Variants in PKIB observed in about 807,000 individuals in gnomAD.
PKIB encodes PKI-beta.
PKIB carries 2 observed loss-of-function variants against 4.5 expected under a neutral mutation model. That is an observed-to-expected ratio of 0.44 (90% CI 0.18 to 1.39). The LOEUF (loss-of-function observed/expected upper bound fraction) is 1.39. Ranked by LOEUF, PKIB falls within the 40% of genes most tolerant of loss-of-function variation. PKIB has a pLI of 0.27. For synonymous variants in PKIB, 38 were observed against 36.0 expected, an observed-to-expected ratio of 1.06 and a Z score of -0.20; for missense variants, 94 against 92.6, an observed-to-expected ratio of 1.02 and a Z score of -0.06.
At chr6:122,614,964 T>C (rs1044526294) in intron 1 of PKIB, among the ~76,000 whole-genome samples, 2 of 152,160 alleles carry the variant, frequency 1.3e-5, no homozygotes, top group Non-Finnish European at 2.9e-5. Context: ...AAGCCCTACT[T>C]TTCTCACTTT....
At chr6:122,590,658 A>G (rs1562262199) in intron 3 of PKIB, among the ~76,000 whole-genome samples, 1 of 152,162 alleles carries the variant, frequency 6.6e-6, no homozygotes, top group African/African-American at 2.4e-5. Context: ...GTGAATATAG[A>G]CACCAAAGAT....
At chr6:122,527,154 G>T (rs1777114699) in intron 2 of PKIB, among the ~76,000 whole-genome samples, 1 of 152,096 alleles carries the variant, frequency 6.6e-6, no homozygotes, top group South Asian at 2.1e-4. Flanking sequence ...TGAAGAGAGT[G>T]AGGATCTTGC....
chr6:122,549,829 A>T (rs1317498701), intron 2 of PKIB, among the ~76,000 whole-genome samples: 4 of 148,030 alleles, frequency 2.7e-5, no homozygotes, highest in African/African-American at 9.8e-5. Flanking sequence ...ATATATATAT[A>T]AAATATATAT....
chr6:122,568,536 G>A (rs1268369581), intron 2 of PKIB, among the ~76,000 whole-genome samples: 1 of 152,190 alleles, frequency 6.6e-6, no homozygotes, highest in Non-Finnish European at 1.5e-5. Flanking sequence ...TATAAAAGTA[G>A]AAGCAGTAGC....
At chr6:122,527,386 G>C (rs912838707) in intron 2 of PKIB, among the ~76,000 whole-genome samples, 1 of 152,008 alleles carries the variant, frequency 6.6e-6, no homozygotes, top group Non-Finnish European at 1.5e-5. Context: ...CTCAGCTTTG[G>C]ACATGCTTTT....
At chr6:122,688,347 G>A (rs1180608919) in intron 3 of PKIB, among the ~76,000 whole-genome samples, 9 of 152,172 alleles carry the variant, frequency 5.9e-5, no homozygotes, top group Non-Finnish European at 1.3e-4. Context: ...GAGTTGAATT[G>A]GTTTGCTAGT....
At chr6:122,539,464 G>C (rs954342685) in intron 2 of PKIB, among the ~76,000 whole-genome samples, 8 of 152,038 alleles carry the variant, frequency 5.3e-5, no homozygotes, top group Admixed American at 3.9e-4. Flanking sequence ...CTTTGGTTCT[G>C]TTTATATGCT....
intron 2 of PKIB, among the ~76,000 whole-genome samples, chr6:122,550,697 A>C (rs1416280644): frequency 6.6e-6 from 1 of 152,168 alleles, no homozygotes; most frequent in Non-Finnish European, 1.5e-5. Context: ...GCACCTGTCC[A>C]GGAACTTCCC....
intron 3 of PKIB, among the ~76,000 whole-genome samples, chr6:122,697,420 T>C (rs1356965993): frequency 4.0e-5 from 6 of 151,896 alleles, no homozygotes; most frequent in Admixed American, 2.0e-4. Flanking sequence ...TTTTAGGGAT[T>C]AGGAGATGTG....
chr6:122,603,224 C>T (rs931160274), intron 3 of PKIB, among the ~76,000 whole-genome samples: 6 of 152,000 alleles, frequency 3.9e-5, no homozygotes, highest in African/African-American at 7.2e-5. Context: ...AATTTGGGAT[C>T]ATAATAAATA....
chr6:122,552,819 A>T (rs950176765), intron 2 of PKIB, among the ~76,000 whole-genome samples: 7 of 152,220 alleles, frequency 4.6e-5, no homozygotes, highest in African/African-American at 1.7e-4. Context: ...CCAGGGAGCC[A>T]TTTCTATTCC....
At chr6:122,718,420 A>G (rs1779590074) in intron 4 of PKIB, among the ~76,000 whole-genome samples, 1 of 152,192 alleles carries the variant, frequency 6.6e-6, no homozygotes, top group Non-Finnish European at 1.5e-5. Context: ...TCAAGTAGAG[A>G]TGAGATTCTT....
intron 2 of PKIB, among the ~76,000 whole-genome samples, chr6:122,653,572 C>A (rs1220912639): frequency 1.3e-5 from 2 of 151,288 alleles, no homozygotes; most frequent in Non-Finnish European, 2.9e-5. Context: ...GAATTTGACT[C>A]CGAAACATGT....
intron 3 of PKIB, among the ~76,000 whole-genome samples, chr6:122,588,467 C>T (rs1025073923): frequency 6.6e-6 from 1 of 152,030 alleles, no homozygotes; most frequent in African/African-American, 2.4e-5. Flanking sequence ...CCTGCATTGC[C>T]AAGTCAATCC....
chr6:122,691,216 T>TA (rs1202610844), intron 3 of PKIB, among the ~76,000 whole-genome samples: 1 of 152,120 alleles, frequency 6.6e-6, no homozygotes, highest in African/African-American at 2.4e-5. Context: ...TGTACTTAGA[T>TA]ATTGATATTT....
chr6:122,526,593 TTTTC>T (rs1378435088), intron 2 of PKIB, among the ~76,000 whole-genome samples: 1 of 152,042 alleles, frequency 6.6e-6, no homozygotes, highest in Non-Finnish European at 1.5e-5. Flanking sequence ...AACAAAATCT[TTTTC>T]TTTGATCAGT....
intron 3 of PKIB, among the ~76,000 whole-genome samples, chr6:122,683,670 T>C (rs1777987548): frequency 6.6e-6 from 1 of 152,186 alleles, no homozygotes; most frequent in African/African-American, 2.4e-5. Context: ...CCCAACAATC[T>C]ACTCCCAAGC....
chr6:122,528,470 A>G (rs1777160019), intron 2 of PKIB, among the ~76,000 whole-genome samples: 1 of 152,180 alleles, frequency 6.6e-6, no homozygotes, highest in African/African-American at 2.4e-5. Context: ...GAAGTCAGAG[A>G]TCAAGGTCCC....
chr6:122,660,086 G>A (rs1776926675), intron 2 of PKIB, among the ~76,000 whole-genome samples: 1 of 152,174 alleles, frequency 6.6e-6, no homozygotes, highest in Non-Finnish European at 1.5e-5. Flanking sequence ...CTGGATAAAT[G>A]AGAAGGCTAA....
Sources: allele counts gnomAD v4.1 joint callset (sites outside exome capture counted in the v4.1 genomes callset), GRCh38; gene constraint gnomAD v4.1.1; transcripts MANE v1.5; gene names NCBI Gene and HGNC (gene_info 2026-07-23, HGNC 2026-07-21).